DNAH12: variants seen among roughly 807,000 people sequenced by gnomAD.
DNAH12 encodes dynein axonemal heavy chain 12.
DNAH12 carries 285 observed loss-of-function variants against 371.5 expected under a neutral mutation model. That is an observed-to-expected ratio of 0.77 (90% confidence interval 0.70 to 0.85). DNAH12 has a LOEUF of 0.85. Ranked by LOEUF, DNAH12 falls within the 40% of genes least tolerant of loss-of-function variation. The pLI is 0.00. For missense variants in DNAH12, 3,611 were observed against 3,689.4 expected (o/e 0.98, Z 0.55); for synonymous variants, 1,200 against 1,213.0 (o/e 0.99, Z 0.22).
intron 58 of DNAH12, among the ~76,000 whole-genome samples, chr3:57,359,559 CAAAAAAAAAA>C (rs1268515074): frequency 6.9e-5 from 5 of 72,106 alleles, no homozygotes; most frequent in Non-Finnish European, 1.4e-4. Flanking sequence ...AACTCCATCT[CAAAAAAAAAA>C]AAAAAAAAAA....
intron 18 of DNAH12, 139 bp downstream of exon 18, chr3:57,462,551 C>T (rs765115680): frequency 1.3e-4 from 126 of 976,978 alleles, no homozygotes; most frequent in Non-Finnish European, 1.6e-4. Flanking sequence ...CGCACCCAGC[C>T]GGAGAGTGGT....
intron 41 of DNAH12, 62 bp from the exon 42 acceptor site, chr3:57,405,209 C>T: frequency 9.9e-6 from 14 of 1,419,978 alleles, no homozygotes; most frequent in Non-Finnish European, 1.2e-5. Flanking sequence ...TTTAAGAAAA[C>T]AAAATTTTTG....
chr3:57,401,748 A>T (rs1452473135), intron 43 of DNAH12, among the ~76,000 whole-genome samples: 1 of 151,664 alleles, frequency 6.6e-6, no homozygotes, highest in Admixed American at 6.6e-5. Context: ...ATCAATACAA[A>T]AAAAAAGAGA....
intron 47 of DNAH12, among the ~76,000 whole-genome samples, 187 bp downstream of exon 47, chr3:57,386,254 T>A (rs906766339): frequency 3.9e-5 from 6 of 152,222 alleles, no homozygotes; most frequent in Non-Finnish European, 8.8e-5. Context: ...CTGTACTCAT[T>A]TGTAAAATGA....
intron 60 of DNAH12, among the ~76,000 whole-genome samples, chr3:57,343,400 C>T (rs1477008141): frequency 6.6e-6 from 1 of 152,218 alleles, no homozygotes; most frequent in Admixed American, 6.5e-5. Context: ...TTTAAGGGAT[C>T]CAAGGCTGTG....
chr3:57,433,888 T>A (rs2065037468), intron 30 of DNAH12, 60 bp from the exon 31 acceptor site: 1 of 1,359,548 alleles, frequency 7.4e-7, no homozygotes, highest in Non-Finnish European at 9.5e-7. Flanking sequence ...ATAATTTATA[T>A]CAGTATATAA....
intron 12 of DNAH12, among the ~76,000 whole-genome samples, chr3:57,488,164 A>G (rs2066997085): frequency 6.6e-6 from 1 of 152,024 alleles, no homozygotes; most frequent in Non-Finnish European, 1.5e-5. Flanking sequence ...TAGTCCTGCG[A>G]GGAAGGTACT....
intron 56 of DNAH12, among the ~76,000 whole-genome samples, 175 bp from the exon 57 acceptor site, chr3:57,367,096 G>A (rs2063067480): frequency 6.6e-6 from 1 of 152,194 alleles, no homozygotes; most frequent in African/African-American, 2.4e-5. Flanking sequence ...GGGAGGCCAA[G>A]GCAAGTGGAT....
intron 30 of DNAH12, among the ~76,000 whole-genome samples, chr3:57,434,469 A>G (rs2065058624): frequency 1.3e-5 from 2 of 152,184 alleles, no homozygotes; most frequent in South Asian, 4.1e-4. Flanking sequence ...TATATAAATG[A>G]GAAATAAATC....
intron 69 of DNAH12, among the ~76,000 whole-genome samples, chr3:57,306,236 T>C (rs1017596056): frequency 3.0e-4 from 45 of 152,118 alleles, no homozygotes; most frequent in African/African-American, 1.1e-3. Flanking sequence ...GGAAGGTAAG[T>C]CCGTCCCCTT....
At chr3:57,385,274 T>C (rs1407621859) in intron 48 of DNAH12, 75 bp downstream of exon 48, 1 of 152,174 alleles carries the variant, frequency 6.6e-6, no homozygotes, top group African/African-American at 2.4e-5. Flanking sequence ...TAGCAAAACA[T>C]TAACCCTTAT....
At chr3:57,438,323 A>C (rs1176606209) in intron 29 of DNAH12, among the ~76,000 whole-genome samples, 1 of 113,782 alleles carries the variant, frequency 8.8e-6, no homozygotes, top group South Asian at 3.7e-4. Context: ...ACAACAAAAA[A>C]CAAACAAACA....
the DNAH12 span, among the ~76,000 whole-genome samples, chr3:57,551,875 T>C: frequency 6.6e-6 from 1 of 150,592 alleles, no homozygotes; most frequent in Non-Finnish European, 1.5e-5. Context: ...GTATATAAAC[T>C]TAAGTTTAAT....
intron 73 of DNAH12, among the ~76,000 whole-genome samples, chr3:57,295,282 C>A (rs895924650): frequency 3.3e-5 from 5 of 152,020 alleles, no homozygotes; most frequent in South Asian, 2.1e-4. Flanking sequence ...GGGGGAGGGG[C>A]TGAAAAGAAT....
chr3:57,338,235 C>A (rs1259229832), intron 60 of DNAH12, among the ~76,000 whole-genome samples: 1 of 152,196 alleles, frequency 6.6e-6, no homozygotes, highest in African/African-American at 2.4e-5. Flanking sequence ...TGGTCTCCAG[C>A]TCCTGACCTC....
upstream of DNAH12, among the ~76,000 whole-genome samples, chr3:57,547,138 C>T (rs1452590002): frequency 1.3e-5 from 2 of 151,926 alleles, no homozygotes; most frequent in Non-Finnish European, 2.9e-5. Flanking sequence ...GGTTAACCAG[C>T]CCCCTCCATT....
At chr3:57,503,902 A>G in intron 9 of DNAH12, 114 bp downstream of exon 9, 1 of 858,102 alleles carries the variant, frequency 1.2e-6, no homozygotes, top group Non-Finnish European at 1.7e-6. Context: ...AATTTGAAAT[A>G]ATTGGGGGAG....
intron 45 of DNAH12, among the ~76,000 whole-genome samples, chr3:57,391,480 T>C (rs2153347193): frequency 6.6e-6 from 1 of 152,340 alleles, no homozygotes; most frequent in South Asian, 2.1e-4. Flanking sequence ...CTTTTTAGGC[T>C]TCATAATCAT....
intron 58 of DNAH12, 76 bp from the exon 59 acceptor site, chr3:57,357,424 A>C (rs1283728251): frequency 6.6e-6 from 1 of 152,184 alleles, no homozygotes; most frequent in African/African-American, 2.4e-5. Flanking sequence ...AATGAAGTAT[A>C]TATATTTTAA....
Sources: allele counts gnomAD v4.1 joint callset (sites outside exome capture counted in the v4.1 genomes callset), GRCh38; gene constraint gnomAD v4.1.1; transcripts MANE v1.5; gene names NCBI Gene and HGNC (gene_info 2026-07-23, HGNC 2026-07-21).